The following ADGRL1 variants were observed in gnomAD, a reference collection of about 807,000 sequenced individuals.
The protein encoded by ADGRL1 is adhesion G protein-coupled receptor L1, also known as CIRL-1.
Under a neutral mutation model 148.9 loss-of-function variants are expected in ADGRL1, and 31 were observed. The observed-to-expected ratio is 0.21, with a 90% confidence interval of 0.16 to 0.28. ADGRL1 has a LOEUF of 0.28. Ranked by LOEUF, ADGRL1 falls within the 10% of genes least tolerant of loss-of-function variation. ADGRL1 has a pLI of 1.00. For missense variants in ADGRL1, 1,521 were observed against 2,058.8 expected (o/e 0.74, Z 5.05); for synonymous variants, 937 against 900.3 (o/e 1.04, Z -0.73).
At chr19:14,202,881 G>T (rs989377756) in intron 1 of ADGRL1, among the ~76,000 whole-genome samples, 6 of 152,154 alleles carry the variant, frequency 3.9e-5, no homozygotes, top group Non-Finnish European at 8.8e-5. Context: ...GGATGAGTCT[G>T]ATGGTCACGT....
chr19:14,150,568 A>G lies in ADGRL1; in HGVS notation c.*305T>C, dbSNP rs1968062379. 5.2e-6 allele frequency: 2 copies of G among 388,048 alleles called. No homozygotes were observed. Among genetic ancestry groups the G allele is most frequent in the Non-Finnish European group, 9.3e-6 (2 of 214,232 alleles). The allele number at this position is 388,048 out of a possible 1,614,324, so 24.0% of individuals were successfully genotyped here. A position where few individuals can be genotyped will look rare whatever the true frequency, so the allele number is the denominator to read the frequency against. ...AAGGGTGGGAGAGGGGAGAGTCTGG[A>G]AGTGGGCTGCACCCTTCCAAGTTCT... On this transcript the variant is annotated 3_prime_UTR_variant, in exon 23 of 23. Coordinates refer to ENST00000361434, the MANE Select transcript of ADGRL1 (RefSeq NM_014921.5).
chr19:14,199,812 C>CA (rs1972486345), intron 1 of ADGRL1, among the ~76,000 whole-genome samples: 1 of 152,008 alleles, frequency 6.6e-6, no homozygotes, highest in Non-Finnish European at 1.5e-5. Context: ...TGGCTCACTG[C>CA]AACCTCTGCC....
Position 14,156,914 on chromosome 19 carries a change from T to C in ADGRL1, c.2966+11A>G, listed in dbSNP as rs766557452. 1 of 1,604,800 alleles carries C rather than the reference T, an allele frequency of 6.2e-7. No individual in the cohort carries two copies. The highest frequency in any genetic ancestry group is 1.1e-5 in the South Asian group (1 of 90,470). ...GGTGGGAGGGTGCAGGGCTGGGAGGTGGAAACTCACGCCTTCTCGGTGCCG... is the reference window on the plus strand; with the variant it reads ...GGTGGGAGGGTGCAGGGCTGGGAGGCGGAAACTCACGCCTTCTCGGTGCCG... On this transcript the variant is annotated intron_variant, in intron 15 of 22. Transcript: ENST00000361434.
Position 14,149,107 on chromosome 19 carries a change from G to C in ADGRL1, c.*1766C>G, listed in dbSNP as rs977073411. ...GCAGGGGCTGGGCTAGGGTGGCCTG[G>C]GGCTATGCTGCCCCTAGAGTTGAGG... is the stretch of plus-strand genomic sequence containing the variant. On this transcript the variant is annotated 3_prime_UTR_variant, in exon 23 of 23. Transcript: ENST00000361434. 3 of 152,642 alleles carry C rather than the reference G, an allele frequency of 2.0e-5. No individual in the cohort carries two copies. Among genetic ancestry groups the C allele is most frequent in the Non-Finnish European group, 4.4e-5 (3 of 68,350 alleles). The allele number at this position is 152,642 out of a possible 1,614,324, so 9.5% of individuals were successfully genotyped here.
chr19:14,155,602 T>C lies in ADGRL1; in HGVS notation c.3126-75A>G, dbSNP rs1222038835. On this transcript the variant is annotated intron_variant, in intron 17 of 22. Coordinates refer to ENST00000361434, the MANE Select transcript of ADGRL1 (RefSeq NM_014921.5). This position sits in a 1 kb window ranked among gnomAD's most constrained non-coding sequence, Gnocchi z 5.0. ...CTCAGCCCAGGCCTCCCCTGCAGCC[T>C]ACAACGGGGGCCCTTGGGTGGGCCT... is the stretch of plus-strand genomic sequence containing the variant. 4 of 1,501,288 alleles carry C rather than the reference T, an allele frequency of 2.7e-6. No homozygotes were observed. Among genetic ancestry groups the C allele is most frequent in the South Asian group, 1.2e-5 (1 of 86,138 alleles). The allele number at this position is 1,501,288 out of a possible 1,614,324, so 93.0% of individuals were successfully genotyped here.
chr19:14,186,125 C>A (rs1292145481), intron 1 of ADGRL1, among the ~76,000 whole-genome samples: 3 of 152,176 alleles, frequency 2.0e-5, no homozygotes, highest in African/African-American at 7.2e-5. Context: ...GTGGTGAAAT[C>A]ATGGCTCACT....
At chr19:14,158,966 T>C in intron 11 of ADGRL1, 124 bp downstream of exon 11, 1 of 1,250,884 alleles carries the variant, frequency 8.0e-7, no homozygotes, top group Non-Finnish European at 1.1e-6. Context: ...CCCTCAAATT[T>C]TACACTAGCA....
chr19:14,183,377 CCT>C (rs1016324440), intron 2 of ADGRL1, among the ~76,000 whole-genome samples, 154 bp downstream of exon 2: 4 of 152,092 alleles, frequency 2.6e-5, no homozygotes, highest in East Asian at 3.9e-4. Context: ...GTGTGTTACC[CCT>C]GAGTCTTCCA....
rs747441360 is a variant in ADGRL1, at chr19:14,157,189, G to GT, written c.2746-45dup. The GT allele has an allele frequency of 1.2e-6, 2 of 1,612,908 alleles. No individual in the cohort carries two copies. Among genetic ancestry groups the GT allele is most frequent in the Non-Finnish European group, 1.7e-6 (2 of 1,179,118 alleles). ...GTGAGGGGCTGCTGCCTGGACAGGT[G>GT]TCCCCCTTCTTCTCCCGGCCCCCAG... On this transcript the variant is annotated intron_variant, in intron 14 of 22. Transcript: ENST00000361434. The surrounding 1 kb of genome is among the most constrained non-coding windows in gnomAD (Gnocchi z 7.5).
intron 1 of ADGRL1, among the ~76,000 whole-genome samples, chr19:14,203,302 T>A (rs1464689146): frequency 1.3e-5 from 2 of 152,056 alleles, no homozygotes; most frequent in East Asian, 3.9e-4. Flanking sequence ...CTTGGCCACA[T>A]GTCTCGCCAG....
At chr19:14,158,303 G>A (rs1968977013) in intron 12 of ADGRL1, 35 bp downstream of exon 12, 1 of 1,597,018 alleles carries the variant, frequency 6.3e-7, no homozygotes, top group Non-Finnish European at 8.6e-7. Context: ...AGGGTACAGG[G>A]ACCCCCATGG....
chr19:14,205,729 G>A (rs1972958445), intron 1 of ADGRL1, among the ~76,000 whole-genome samples: 1 of 147,458 alleles, frequency 6.8e-6, no homozygotes, highest in African/African-American at 2.5e-5. Context: ...GCGGTAGCCC[G>A]TCCGCACCCC....
At chr19:14,163,618 C>T (rs1023273316) in intron 4 of ADGRL1, among the ~76,000 whole-genome samples, 1 of 152,074 alleles carries the variant, frequency 6.6e-6, no homozygotes, top group Non-Finnish European at 1.5e-5. Flanking sequence ...GGCTGGGACC[C>T]GACCCCCTCC....
chr19:14,152,444 A>G lies in ADGRL1; in HGVS notation c.3521-7T>C, dbSNP rs201739575. 9 of 1,604,530 alleles carry G rather than the reference A, an allele frequency of 5.6e-6. No individual in the cohort carries two copies. The highest frequency in any genetic ancestry group is 7.7e-6 in the Non-Finnish European group (9 of 1,173,098). ...AGGTGGTTCCCCATGGTACCTGGCC[A>G]AAGGATCAGAGGTCACAAGGCAGCC... On this transcript the variant is annotated splice_region_variant and splice_polypyrimidine_tract_variant and intron_variant, in intron 20 of 22. Transcript: ENST00000361434. This position sits in a 1 kb window ranked among gnomAD's most constrained non-coding sequence, Gnocchi z 6.1.
Position 14,183,553 on chromosome 19 carries a change from A to T in ADGRL1, c.50T>A (p.Leu17Gln). ...VLWNLCVTAV[L>Q]VTSATQGLSR... Reference sequence around the variant, plus strand: ...CCTACCTTGGGTGGCCGAGGTGACCAGGACGGCGGTGACACACAGATTCCA... The same window carrying T: ...CCTACCTTGGGTGGCCGAGGTGACCTGGACGGCGGTGACACACAGATTCCA... Residue 17 changes from leucine (L) to glutamine (Q), a missense_variant, in exon 2 of 23, where the codon CTG becomes CAG. Leu to Gln is a moderately radical substitution (Grantham distance 113). Around this residue, in one of 8 missense-constraint regions of ADGRL1, gnomAD observed 334 missense variants for 512.5 expected, o/e 0.65. Transcript: ENST00000361434. The T allele has an allele frequency of 6.3e-7, 1 of 1,582,552 alleles. No individual in the cohort carries two copies. The highest frequency in any genetic ancestry group is 8.6e-7 in the Non-Finnish European group (1 of 1,164,042).
intron 4 of ADGRL1, among the ~76,000 whole-genome samples, chr19:14,165,753 C>A (rs1969901169): frequency 6.6e-6 from 1 of 151,754 alleles, no homozygotes; most frequent in South Asian, 2.1e-4. Context: ...GCAGCCCAGG[C>A]CTCTCTGAGA....
intron 2 of ADGRL1, among the ~76,000 whole-genome samples, chr19:14,178,693 T>C (rs981656755): frequency 2.6e-5 from 4 of 152,222 alleles, no homozygotes; most frequent in East Asian, 1.9e-4. Context: ...ATTTTTTACA[T>C]TGTTTCATAG....
chr19:14,154,977 C>T (rs960895089), intron 18 of ADGRL1, among the ~76,000 whole-genome samples: 1 of 152,096 alleles, frequency 6.6e-6, no homozygotes, highest in Non-Finnish European at 1.5e-5. Context: ...CTTTCTATCA[C>T]CACAAAATTC....
chr19:14,173,939 G>A lies in ADGRL1; in HGVS notation c.285-3148C>T, dbSNP rs1384604039. Among the ~76,000 whole-genome samples the A allele has an allele frequency of 8.5e-5, 9 of 106,438 alleles. No individual in the cohort carries two copies. The East Asian group carries it at 1.8e-3, about 21-fold the overall frequency. 69.8% of individuals were successfully genotyped at this position (106,438 alleles called of 152,430 possible). ...CCAGCCTGGGGGAGAGCAAGACTCCGTCTCAAAAAAAAAAAAAAAAAAAAA... is the reference window on the plus strand; with the variant it reads ...CCAGCCTGGGGGAGAGCAAGACTCCATCTCAAAAAAAAAAAAAAAAAAAAA... On this transcript the variant is annotated intron_variant, in intron 3 of 22. Coordinates refer to ENST00000361434, the MANE Select transcript of ADGRL1 (RefSeq NM_014921.5).
Sources: gnomAD v4.1 joint callset for allele counts (sites outside exome capture counted in the v4.1 genomes callset) on GRCh38, gnomAD v4.1.1 for gene constraint, gnomAD v4.1.1 regional missense constraint, Gnocchi (gnomAD v3.1) non-coding constraint, MANE v1.5 for transcripts, NCBI Gene and HGNC (gene_info 2026-07-23, HGNC 2026-07-21) for gene names.